Variants in KCNIP4 observed in about 807,000 individuals in gnomAD.
KCNIP4 encodes potassium voltage-gated channel interacting protein 4, also known as Kv channel-interacting protein 4.
KCNIP4 carries 12 observed loss-of-function variants against 34.0 expected under a neutral mutation model. The ratio of observed to expected loss-of-function variants is 0.35; its 90% CI spans 0.23 to 0.57. The LOEUF is 0.57. KCNIP4 is among the 20% of genes least tolerant of loss of function. KCNIP4 has a pLI of 0.83. For synonymous variants in KCNIP4, 124 were observed against 102.2 expected (o/e 1.21, Z -1.29); for missense variants, 238 against 311.7 (o/e 0.76, Z 1.78).
At chr4:21,739,779 A>AT (rs1026201533) in intron 1 of KCNIP4, among the ~76,000 whole-genome samples, 11 of 152,088 alleles carry the variant, frequency 7.2e-5, no homozygotes, top group Admixed American at 3.9e-4. Flanking sequence ...TACATCCTTT[A>AT]TGTCACCGCC....
intron 1 of KCNIP4, 30 bp downstream of exon 1, chr4:21,948,541 G>A: frequency 6.2e-7 from 1 of 1,604,306 alleles, no homozygotes; most frequent in Non-Finnish European, 8.5e-7. Context: ...GCGGAAGCGG[G>A]CGCCCGCTCG....
chr4:21,491,575 G>A (rs1275274567), intron 1 of KCNIP4, among the ~76,000 whole-genome samples: 1 of 152,148 alleles, frequency 6.6e-6, no homozygotes, highest in East Asian at 1.9e-4. Flanking sequence ...GTCTGGCTAT[G>A]TTGCCCAGGC....
intron 3 of KCNIP4, among the ~76,000 whole-genome samples, chr4:20,769,662 G>A (rs1369820202): frequency 6.6e-6 from 1 of 152,148 alleles, no homozygotes; most frequent in East Asian, 1.9e-4. Context: ...GTCTGACATG[G>A]CTTAGCTGTG....
chr4:21,555,569 T>C (rs1738942903), intron 1 of KCNIP4, among the ~76,000 whole-genome samples: 1 of 152,126 alleles, frequency 6.6e-6, no homozygotes, highest in Admixed American at 6.6e-5. Context: ...TAAAGCATGA[T>C]CTTCCTGGCA....
At chr4:21,047,665 A>G (rs1742554016) in intron 1 of KCNIP4, among the ~76,000 whole-genome samples, 1 of 152,182 alleles carries the variant, frequency 6.6e-6, no homozygotes, top group Non-Finnish European at 1.5e-5. Context: ...TTGCTGGCCT[A>G]TTTGATTTTA....
chr4:20,981,146 G>T (rs1736027703), intron 1 of KCNIP4, among the ~76,000 whole-genome samples: 1 of 152,096 alleles, frequency 6.6e-6, no homozygotes. Flanking sequence ...GCTTGAACTG[G>T]ACATTCATCA....
intron 1 of KCNIP4, among the ~76,000 whole-genome samples, chr4:21,273,291 A>G (rs1762261445): frequency 6.6e-6 from 1 of 152,044 alleles, no homozygotes; most frequent in African/African-American, 2.4e-5. Context: ...CTCTATAGCA[A>G]TTTCTTCCTA....
intron 1 of KCNIP4, among the ~76,000 whole-genome samples, chr4:20,892,175 A>G (rs1401851314): frequency 6.6e-6 from 1 of 152,150 alleles, no homozygotes; most frequent in Non-Finnish European, 1.5e-5. Context: ...GACCTTCCTA[A>G]TTGACCTGTT....
chr4:21,205,935 T>C (rs950927837), intron 1 of KCNIP4, among the ~76,000 whole-genome samples: 19 of 152,202 alleles, frequency 1.2e-4, no homozygotes, highest in African/African-American at 4.1e-4. Context: ...ATCCGTGACA[T>C]CGAGAGAGCT....
At chr4:21,329,451 ATCAG>A (rs1339545959) in intron 1 of KCNIP4, among the ~76,000 whole-genome samples, 4 of 152,196 alleles carry the variant, frequency 2.6e-5, no homozygotes, top group Non-Finnish European at 5.9e-5. Context: ...CTTACTACAC[ATCAG>A]AGCTTGTGTT....
intron 3 of KCNIP4, among the ~76,000 whole-genome samples, chr4:20,797,403 G>A (rs1022372678): frequency 6.6e-6 from 1 of 152,112 alleles, no homozygotes; most frequent in African/African-American, 2.4e-5. Context: ...CCATGGTATG[G>A]TAGGAAAAGA....
intron 1 of KCNIP4, among the ~76,000 whole-genome samples, chr4:21,867,028 C>T (rs1725475070): frequency 1.3e-5 from 2 of 152,102 alleles, no homozygotes; most frequent in South Asian, 4.1e-4. Context: ...GCCTCGGCTT[C>T]CCAAAGTGCT....
At chr4:21,582,027 A>AGAATAGAATGGAATGGAATGGAATG (rs1741247929) in intron 1 of KCNIP4, 20 of 113,164 alleles carry the variant, frequency 1.8e-4, no homozygotes, top group African/African-American at 7.1e-4. Context: ...AGAATAGAAT[A>AGAATAGAATGGAATGGAATGGAATG]GAATGGAATG....
chr4:21,235,611 GC>G (rs1012198840), intron 1 of KCNIP4, among the ~76,000 whole-genome samples: 59 of 152,204 alleles, frequency 3.9e-4, no homozygotes, highest in African/African-American at 1.2e-3. Flanking sequence ...CATTTACCAT[GC>G]TATATTTCTC....
At chr4:21,003,689 T>C (rs1443634312) in intron 1 of KCNIP4, among the ~76,000 whole-genome samples, 2 of 152,232 alleles carry the variant, frequency 1.3e-5, no homozygotes, top group Non-Finnish European at 2.9e-5. Context: ...GGAATGTATC[T>C]TACTGCCCAC....
chr4:20,995,345 A>C (rs185433625), intron 1 of KCNIP4, among the ~76,000 whole-genome samples: 53 of 152,310 alleles, frequency 3.5e-4, no homozygotes, highest in African/African-American at 1.2e-3. Context: ...GTCAGGGGCA[A>C]TGAATGCGTT....
At chr4:21,534,215 C>T (rs538238074) in intron 1 of KCNIP4, among the ~76,000 whole-genome samples, 4 of 152,202 alleles carry the variant, frequency 2.6e-5, no homozygotes, top group African/African-American at 9.6e-5. Flanking sequence ...CAAATGTTAG[C>T]TCTAATTATT....
intron 1 of KCNIP4, among the ~76,000 whole-genome samples, chr4:21,134,400 A>G (rs1387505202): frequency 6.6e-6 from 1 of 152,218 alleles, no homozygotes; most frequent in East Asian, 1.9e-4. Flanking sequence ...AGCATACAAA[A>G]TACATGTTGA....
intron 1 of KCNIP4, among the ~76,000 whole-genome samples, chr4:20,999,027 T>C (rs937778947): frequency 1.6e-4 from 24 of 152,146 alleles, no homozygotes; most frequent in Non-Finnish European, 1.3e-4. Context: ...AATATTATAG[T>C]GAGAGCAAAG....
Sources: allele counts gnomAD v4.1 joint callset (sites outside exome capture counted in the v4.1 genomes callset), GRCh38; gene constraint gnomAD v4.1.1; transcripts MANE v1.5; gene names NCBI Gene and HGNC (gene_info 2026-07-23, HGNC 2026-07-21).